Variants in MGAT4C observed in about 807,000 individuals in gnomAD.
MGAT4C encodes alpha-1,3-mannosyl-glycoprotein 4-beta-N-acetylglucosaminyltransferase C.
A neutral mutation model predicts 40.1 loss-of-function variants in MGAT4C; 19 were observed. That is an observed-to-expected ratio of 0.47 (90% CI 0.33 to 0.70). MGAT4C has a LOEUF of 0.70. MGAT4C is among the 30% of genes least tolerant of loss of function. The probability of loss-of-function intolerance (pLI) is 0.02; values close to 1 mark genes in which losing one functional copy is unlikely to be tolerated. For missense variants in MGAT4C, 491 were observed against 563.2 expected (o/e 0.87, Z 1.30); for synonymous variants, 181 against 187.1 (o/e 0.97, Z 0.27).
At chr12:86,568,539 C>G (rs1960227549) in intron 2 of MGAT4C, among the ~76,000 whole-genome samples, 1 of 86,688 alleles carries the variant, frequency 1.2e-5, no homozygotes. Context: ...TCCTTAAACT[C>G]CCCTTCATAT....
Position 86,084,300 on chromosome 12 carries a change from T to C in MGAT4C, c.-56-34577A>G, listed in dbSNP as rs549260043. On this transcript the variant is annotated intron_variant, in intron 1 of 4. Transcript: ENST00000611864. The stretch of plus-strand genomic sequence containing the variant: ...TATTTTTGAGGAGGTGGTTAGGAAA[T>C]GAAGTGTGAAATTAATTTTCCTGCA... 7.6e-4 allele frequency among the ~76,000 whole-genome samples: 115 copies of C among 151,954 alleles called. 1 individual carries two copies. The highest frequency in any genetic ancestry group is 1.6e-3 in the Admixed American group (25 of 15,228).
intron 2 of MGAT4C, among the ~76,000 whole-genome samples, chr12:86,033,514 G>T (rs1890951507): frequency 6.7e-6 from 1 of 148,348 alleles, no homozygotes; most frequent in Non-Finnish European, 1.5e-5. Context: ...TTTTCTTTTT[G>T]TGGCTATTGT....
At chr12:86,739,968 A>T (rs1300245270) in intron 1 of MGAT4C, among the ~76,000 whole-genome samples, 1 of 150,958 alleles carries the variant, frequency 6.6e-6, no homozygotes, top group Non-Finnish European at 1.5e-5. Flanking sequence ...ATTCCTTATG[A>T]GCTATTCATA....
At chr12:86,461,357 T>C (rs1214830651) in intron 2 of MGAT4C, among the ~76,000 whole-genome samples, 2 of 151,160 alleles carry the variant, frequency 1.3e-5, no homozygotes, top group Non-Finnish European at 2.9e-5. Flanking sequence ...GCCATTCTCC[T>C]GCCTCAGCCT....
intron 2 of MGAT4C, among the ~76,000 whole-genome samples, chr12:86,691,973 TTTAA>T (rs1190809758): frequency 6.6e-6 from 1 of 152,162 alleles, no homozygotes; most frequent in Non-Finnish European, 1.5e-5. Flanking sequence ...ATATAATTAC[TTTAA>T]TTAAGATATT....
At chr12:86,225,697 T>C (rs1951048371) in intron 1 of MGAT4C, among the ~76,000 whole-genome samples, 2 of 152,136 alleles carry the variant, frequency 1.3e-5, no homozygotes, top group South Asian at 2.1e-4. Flanking sequence ...AAAAATTATA[T>C]AATTATCTCA....
chr12:86,307,921 T>A (rs1953980002), intron 4 of MGAT4C, among the ~76,000 whole-genome samples: 1 of 150,530 alleles, frequency 6.6e-6, no homozygotes, highest in Admixed American at 6.6e-5. Flanking sequence ...GCCAGGATGG[T>A]CTCGATTTCC....
intron 2 of MGAT4C, among the ~76,000 whole-genome samples, chr12:86,618,420 A>G (rs895631406): frequency 6.6e-6 from 1 of 152,192 alleles, no homozygotes; most frequent in Non-Finnish European, 1.5e-5. Flanking sequence ...AAAATATACA[A>G]CAATCTGTTC....
chr12:86,421,688 A>T (rs1017898287), intron 3 of MGAT4C, among the ~76,000 whole-genome samples: 1 of 152,186 alleles, frequency 6.6e-6, no homozygotes, highest in Admixed American at 6.5e-5. Flanking sequence ...GAGGCAGGAG[A>T]ATCGCTTAAA....
At chr12:86,154,287 C>T (rs1364940779) in intron 1 of MGAT4C, among the ~76,000 whole-genome samples, 1 of 152,040 alleles carries the variant, frequency 6.6e-6, no homozygotes, top group Non-Finnish European at 1.5e-5. Flanking sequence ...GGGAATTGGC[C>T]AGAACAGCCC....
chr12:86,433,443 TTTG>T (rs1957080841), intron 3 of MGAT4C, among the ~76,000 whole-genome samples: 1 of 151,890 alleles, frequency 6.6e-6, no homozygotes, highest in South Asian at 2.1e-4. Flanking sequence ...TTGATACTTT[TTTG>T]TTGTTGTAGC....
intron 2 of MGAT4C, among the ~76,000 whole-genome samples, chr12:86,587,610 CTCTTT>C (rs1322115824): frequency 1.3e-5 from 2 of 151,818 alleles, no homozygotes; most frequent in Non-Finnish European, 2.9e-5. Flanking sequence ...TTTGTTTGTC[CTCTTT>C]TATTTCCTTG....
chr12:85,956,139 G>A lies in MGAT4C; in HGVS notation c.*23150C>T, dbSNP rs1275571979. 3 of 152,124 alleles carry A rather than the reference G, an allele frequency of 2.0e-5. No homozygotes were observed. The highest frequency in any genetic ancestry group is 1.3e-4 in the Admixed American group (2 of 15,270). 9.4% of individuals were successfully genotyped at this position (152,124 alleles called of 1,614,324 possible). On this transcript the variant is annotated 3_prime_UTR_variant, in exon 5 of 5. Coordinates refer to ENST00000611864, the MANE Select transcript of MGAT4C (RefSeq NM_001351288.2). ...TATTTGTATGGTAGCTAGTTTAATT[G>A]GATTTGTTTTTCAAATTTGGACATA...
intron 1 of MGAT4C, among the ~76,000 whole-genome samples, chr12:86,836,739 C>T (rs1445579340): frequency 6.6e-6 from 1 of 152,022 alleles, no homozygotes; most frequent in Non-Finnish European, 1.5e-5. Flanking sequence ...ATTCATCTAA[C>T]ATTCAAAAGG....
intron 1 of MGAT4C, among the ~76,000 whole-genome samples, chr12:86,820,945 A>G (rs10858497): frequency 0.32 from 48,772 of 150,568 alleles, 9,507 homozygotes; most frequent in Admixed American, 0.46. Context: ...ATGAGAGTAT[A>G]CAATGGTGGA....
chr12:86,818,269 TA>T (rs1171497213), intron 1 of MGAT4C, among the ~76,000 whole-genome samples: 1 of 151,230 alleles, frequency 6.6e-6, no homozygotes, highest in Non-Finnish European at 1.5e-5. Flanking sequence ...AAAATAGTCT[TA>T]AAAATAAGCA....
Position 86,787,122 on chromosome 12 carries a change from A to G in MGAT4C, c.-262+51544T>C, listed in dbSNP as rs530337495. On this transcript the variant is annotated intron_variant, in intron 1 of 7. Transcript: ENST00000548651. ...GCATCACCAAAGTAATGCACATTGC[A>G]TACATTATGTAATTTCTCATCCCTT... Among the ~76,000 whole-genome samples, 16 of 152,256 alleles carry G rather than the reference A, an allele frequency of 1.1e-4. No homozygotes were observed. The East Asian group carries it at 2.9e-3, about 28-fold the overall frequency.
At chr12:86,702,746 T>A (rs150127210) in intron 2 of MGAT4C, among the ~76,000 whole-genome samples, 28 of 152,274 alleles carry the variant, frequency 1.8e-4, no homozygotes, top group African/African-American at 6.5e-4. Context: ...CTGATGGTGA[T>A]GTACAAAGAG....
chr12:86,678,539 A>G (rs978570053), intron 2 of MGAT4C, among the ~76,000 whole-genome samples: 2 of 150,056 alleles, frequency 1.3e-5, no homozygotes, highest in African/African-American at 4.9e-5. Flanking sequence ...TTAACTCGTC[A>G]TTTAGCATTA....
Sources: gnomAD v4.1 joint callset for allele counts (sites outside exome capture counted in the v4.1 genomes callset) on GRCh38, gnomAD v4.1.1 for gene constraint, MANE v1.5 for transcripts, NCBI Gene and HGNC (gene_info 2026-07-23, HGNC 2026-07-21) for gene names.